Variants in DYM observed in about 807,000 individuals in gnomAD.
DYM encodes the protein dyggve-Melchior-Clausen syndrome protein.
A neutral mutation model predicts 93.1 loss-of-function variants in DYM; 78 were observed. That is an observed-to-expected ratio of 0.84 (90% confidence interval 0.70 to 1.01). The LOEUF is 1.01. DYM is among the 50% of genes least tolerant of loss of function. The pLI, the probability that DYM is intolerant of heterozygous loss-of-function variation, is 0.00. For synonymous variants in DYM, 321 were observed against 319.7 expected (o/e 1.00, Z -0.04); for missense variants, 789 against 845.0 (o/e 0.93, Z 0.82).
At position 49,363,253 on chromosome 18, in the gene DYM, GA is replaced by G; in HGVS notation, c.422-21del. The G allele has an allele frequency of 3.8e-6, 6 of 1,590,604 alleles. No homozygotes were observed. Among genetic ancestry groups the G allele is most frequent in the Non-Finnish European group, 5.2e-6 (6 of 1,163,302 alleles). On this transcript the variant is annotated intron_variant, in intron 5 of 17. Coordinates refer to ENST00000675505, the MANE Select transcript of DYM (RefSeq NM_001353214.3). Reference sequence around the variant, plus strand: ...CAGAACCTGGTAAGACACATAAAAAGATTTTTTTTTAACAAAGTACACAGTA... The same window carrying G: ...CAGAACCTGGTAAGACACATAAAAAGTTTTTTTTTAACAAAGTACACAGTA...
chr18:49,306,279 G>C (rs1032156032), intron 8 of DYM, among the ~76,000 whole-genome samples: 4 of 152,162 alleles, frequency 2.6e-5, no homozygotes, highest in Admixed American at 2.0e-4. Context: ...CAGAAGTAGA[G>C]AGTTAATTAT....
chr18:49,322,733 T>A (rs2062587806), intron 8 of DYM, among the ~76,000 whole-genome samples: 1 of 152,172 alleles, frequency 6.6e-6, no homozygotes, highest in African/African-American at 2.4e-5. Context: ...CCTTTATTTT[T>A]CAGTATTTTT....
At chr18:49,340,012 G>A (rs2063982143) in intron 6 of DYM, among the ~76,000 whole-genome samples, 1 of 152,038 alleles carries the variant, frequency 6.6e-6, no homozygotes, top group African/African-American at 2.4e-5. Context: ...GTGCAGTGGC[G>A]CCATCTCGGC....
At chr18:49,142,460 A>C (rs1323218923) in intron 15 of DYM, among the ~76,000 whole-genome samples, 2 of 152,258 alleles carry the variant, frequency 1.3e-5, no homozygotes, top group African/African-American at 2.4e-5. Flanking sequence ...CAATGACTTA[A>C]GAAATGAGAA....
At chr18:49,195,916 C>CT (rs540189318) in intron 14 of DYM, among the ~76,000 whole-genome samples, 26,706 of 83,012 alleles carry the variant, frequency 0.32, 6,579 homozygotes, top group Middle Eastern at 0.48. Context: ...ATGCTACCAT[C>CT]TTTTTTTTTT....
Position 49,409,184 on chromosome 18 carries a change from T to G in DYM, c.141-17539A>C, listed in dbSNP as rs71355385. ...TTGTAGTCCCAGCTACTCAGGAGGC[T>G]GAGGCAGGAGAATCACTTGAACCTG... On this transcript the variant is annotated intron_variant, in intron 2 of 17. Transcript: ENST00000675505. 9.2e-3 allele frequency among the ~76,000 whole-genome samples: 1,382 copies of G among 149,632 alleles called. 11 individuals are homozygous for G. Among genetic ancestry groups the G allele is most frequent in the South Asian group, 0.031 (146 of 4,744 alleles).
At chr18:49,099,437 CA>C (rs1182246519) in intron 16 of DYM, among the ~76,000 whole-genome samples, 4 of 152,116 alleles carry the variant, frequency 2.6e-5, no homozygotes, top group African/African-American at 9.7e-5. Context: ...CAGAGGTTTC[CA>C]AACTTTTCAA....
At chr18:49,322,139 A>G (rs1462801153) in intron 8 of DYM, among the ~76,000 whole-genome samples, 1 of 152,118 alleles carries the variant, frequency 6.6e-6, no homozygotes, top group Non-Finnish European at 1.5e-5. Flanking sequence ...CTATCATAGC[A>G]TTTGCCTAAA....
At position 49,255,493 on chromosome 18, in the gene DYM, T is replaced by C. The variant is rs1050780585; in HGVS notation, c.1460+1517A>G. 2.0e-5 allele frequency among the ~76,000 whole-genome samples: 3 copies of C among 151,940 alleles called. 1 individual carries two copies. Among genetic ancestry groups the C allele is most frequent in the African/African-American group, 7.3e-5 (3 of 41,358 alleles). ...TTTGAGACCAACCTGACCAACATGG[T>C]GAAACCCTGTCTCTACTAAAAATAC... On this transcript the variant is annotated intron_variant, in intron 13 of 17. Transcript: ENST00000675505.
intron 16 of DYM, among the ~76,000 whole-genome samples, chr18:49,099,907 C>G (rs146977349): frequency 3.1e-4 from 47 of 152,248 alleles, no homozygotes; most frequent in African/African-American, 1.1e-3. Context: ...CTGCCATTAT[C>G]TTTTGTCATA....
chr18:49,286,733 C>G, intron 8 of DYM, 117 bp from the exon 9 acceptor site: 1 of 1,022,514 alleles, frequency 9.8e-7, no homozygotes, highest in Non-Finnish European at 1.5e-6. Flanking sequence ...AAGTGTAGAA[C>G]AAGAATCATG....
chr18:49,197,762 T>C (rs2091605734), intron 14 of DYM, among the ~76,000 whole-genome samples: 1 of 152,172 alleles, frequency 6.6e-6, no homozygotes, highest in Admixed American at 6.5e-5. Context: ...TATTCCATGC[T>C]CATGGGTAGG....
rs1052695 is a variant in DYM, at chr18:49,036,415, G to A, written c.*7640C>T. Among the ~76,000 whole-genome samples, 56,148 of 151,214 alleles carry A rather than the reference G, an allele frequency of 0.37. 11,157 individuals are homozygous for A. Among genetic ancestry groups the A allele is most frequent in the East Asian group, 0.68 (3,508 of 5,158 alleles). ...AAAATCTAAAAACAACTTTAATGAG[G>A]CATACTTAATATATAAAACTGCACA... On this transcript the variant is annotated 3_prime_UTR_variant, in exon 18 of 18. Transcript: ENST00000675505.
intron 17 of DYM, among the ~76,000 whole-genome samples, chr18:49,061,359 C>G (rs2075972523): frequency 6.6e-6 from 1 of 152,092 alleles, no homozygotes; most frequent in African/African-American, 2.4e-5. Context: ...ATAATAGAAG[C>G]ACAGACAGGG....
intron 17 of DYM, among the ~76,000 whole-genome samples, chr18:49,087,635 G>GT (rs1252693293): frequency 6.6e-6 from 1 of 152,254 alleles, no homozygotes; most frequent in African/African-American, 2.4e-5. Context: ...TATATACCCA[G>GT]TAATGGGATT....
Position 49,051,771 on chromosome 18 carries a change from C to G in DYM, c.2026-7567G>C, listed in dbSNP as rs184246974. On this transcript the variant is annotated intron_variant, in intron 17 of 17. Coordinates refer to ENST00000675505, the MANE Select transcript of DYM (RefSeq NM_001353214.3). ...GGGCTGAGGTTCCAGGCGCTGCCCCCGTCCGTGCTGGCTAGTGAAGGCCTG... is the reference window on the plus strand; with the variant it reads ...GGGCTGAGGTTCCAGGCGCTGCCCCGGTCCGTGCTGGCTAGTGAAGGCCTG... Among the ~76,000 whole-genome samples the G allele has an allele frequency of 3.3e-4, 50 of 152,326 alleles. 1 individual carries two copies. In the East Asian group the frequency reaches 7.9e-3, roughly 24 times the overall value.
intron 16 of DYM, among the ~76,000 whole-genome samples, chr18:49,108,170 T>C (rs2081044563): frequency 6.6e-6 from 1 of 152,156 alleles, no homozygotes. Flanking sequence ...GTGCTAGCAA[T>C]GAGCGAGGCT....
intron 17 of DYM, among the ~76,000 whole-genome samples, chr18:49,064,674 G>C (rs2076250349): frequency 6.6e-6 from 1 of 152,112 alleles, no homozygotes; most frequent in South Asian, 2.1e-4. Context: ...GCAGGCATTT[G>C]AAATCTCCAG....
chr18:49,185,074 A>G (rs72923899), intron 14 of DYM, among the ~76,000 whole-genome samples: 28 of 152,324 alleles, frequency 1.8e-4, no homozygotes, highest in South Asian at 4.1e-4. Flanking sequence ...AATCTTGAGA[A>G]AGAGTATTTC....
Sources: gnomAD v4.1 joint callset for allele counts (sites outside exome capture counted in the v4.1 genomes callset) on GRCh38, gnomAD v4.1.1 for gene constraint, MANE v1.5 for transcripts, NCBI Gene and HGNC (gene_info 2026-07-23, HGNC 2026-07-21) for gene names.